The following TMEFF2 variants were observed in gnomAD, a reference collection of about 807,000 sequenced individuals.
TMEFF2 encodes the protein transmembrane protein with EGF like and two follistatin like domains 2.
A neutral mutation model predicts 53.8 loss-of-function variants in TMEFF2; 28 were observed. The observed-to-expected ratio is 0.52, with a 90% CI of 0.39 to 0.71. TMEFF2 has a LOEUF of 0.71. TMEFF2 is among the 30% of genes least tolerant of loss of function. The pLI is 0.00. For synonymous variants in TMEFF2, 162 were observed against 166.3 expected, an observed-to-expected ratio of 0.97 and a Z score of 0.20; for missense variants, 353 against 455.2, an observed-to-expected ratio of 0.78 and a Z score of 2.04.
At chr2:192,024,018 A>G (rs1037085982) in intron 5 of TMEFF2, among the ~76,000 whole-genome samples, 49 of 152,210 alleles carry the variant, frequency 3.2e-4, no homozygotes, top group African/African-American at 1.1e-3. Flanking sequence ...AATGTGTGAC[A>G]AATTCACAGA....
intron 7 of TMEFF2, among the ~76,000 whole-genome samples, chr2:191,961,952 C>T (rs1420499120): frequency 6.6e-6 from 1 of 152,116 alleles, no homozygotes; most frequent in Non-Finnish European, 1.5e-5. Flanking sequence ...TTCTGGGACA[C>T]AGACTCAAAT....
At chr2:192,032,230 A>G (rs889062805) in intron 5 of TMEFF2, 2 of 152,206 alleles carry the variant, frequency 1.3e-5, no homozygotes, top group African/African-American at 2.4e-5. Flanking sequence ...AATGCCCCAG[A>G]GATTCTCTTC....
At chr2:192,042,167 C>CTCCA (rs1379404043) in intron 5 of TMEFF2, among the ~76,000 whole-genome samples, 1 of 151,788 alleles carries the variant, frequency 6.6e-6, no homozygotes, top group African/African-American at 2.4e-5. Context: ...CACCACTGAA[C>CTCCA]TCCAGCCTGG....
intron 4 of TMEFF2, among the ~76,000 whole-genome samples, chr2:192,089,048 A>C (rs1414174041): frequency 2.0e-5 from 3 of 152,122 alleles, no homozygotes; most frequent in Non-Finnish European, 2.9e-5. Context: ...TACTCAGTAG[A>C]CATTTGTCTG....
intron 4 of TMEFF2, among the ~76,000 whole-genome samples, chr2:192,153,952 ACATG>A (rs1284082837): frequency 2.0e-5 from 3 of 151,888 alleles, no homozygotes; most frequent in African/African-American, 7.2e-5. Context: ...TTAAATTCTT[ACATG>A]GTTGGGGGAA....
chr2:192,182,637 T>A (rs575851462), intron 3 of TMEFF2, among the ~76,000 whole-genome samples: 50 of 152,060 alleles, frequency 3.3e-4, no homozygotes, highest in African/African-American at 1.2e-3. Flanking sequence ...TTTTGCTACA[T>A]TGGCCATAAC....
intron 7 of TMEFF2, among the ~76,000 whole-genome samples, chr2:191,997,953 C>CA (rs1686262436): frequency 2.6e-5 from 4 of 151,842 alleles, no homozygotes; most frequent in African/African-American, 9.7e-5. Flanking sequence ...CCAGAAATTG[C>CA]ATTCATTTCC....
chr2:192,108,714 T>G (rs1457132094), intron 4 of TMEFF2, among the ~76,000 whole-genome samples: 3 of 151,950 alleles, frequency 2.0e-5, no homozygotes, highest in African/African-American at 7.2e-5. Context: ...TAAAAATAAC[T>G]GAGAACAATT....
intron 4 of TMEFF2, among the ~76,000 whole-genome samples, chr2:192,102,544 T>C (rs916745470): frequency 4.0e-5 from 6 of 151,894 alleles, no homozygotes; most frequent in African/African-American, 1.5e-4. Flanking sequence ...CTCCTAGATA[T>C]CTCCATGGCT....
At chr2:192,045,437 T>C (rs1687592132) in intron 5 of TMEFF2, among the ~76,000 whole-genome samples, 1 of 152,234 alleles carries the variant, frequency 6.6e-6, no homozygotes, top group Non-Finnish European at 1.5e-5. Context: ...TCTCTCTCAA[T>C]GGGCAAAAAA....
intron 5 of TMEFF2, chr2:192,035,167 CTTTT>C (rs984734715): frequency 5.8e-5 from 8 of 137,502 alleles, no homozygotes; most frequent in African/African-American, 1.6e-4. Flanking sequence ...TGACAACGAT[CTTTT>C]TTTTGTTTGT....
At chr2:192,001,771 A>G (rs370972255) in intron 5 of TMEFF2, among the ~76,000 whole-genome samples, 4 of 152,082 alleles carry the variant, frequency 2.6e-5, no homozygotes, top group African/African-American at 7.2e-5. Flanking sequence ...ACCTTCTGCC[A>G]TGATTGTGAG....
chr2:192,119,275 T>C (rs1689488576), intron 4 of TMEFF2, among the ~76,000 whole-genome samples: 1 of 152,192 alleles, frequency 6.6e-6, no homozygotes. Context: ...TGAAATTCTT[T>C]GGGGAGTATA....
At chr2:192,103,268 T>C (rs1302048300) in intron 4 of TMEFF2, among the ~76,000 whole-genome samples, 3 of 152,196 alleles carry the variant, frequency 2.0e-5, no homozygotes, top group African/African-American at 7.2e-5. Context: ...ATTGCTGTCG[T>C]ATTTCCTTTC....
At chr2:192,059,005 T>A (rs1367086362) in intron 4 of TMEFF2, among the ~76,000 whole-genome samples, 1 of 152,156 alleles carries the variant, frequency 6.6e-6, no homozygotes, top group Non-Finnish European at 1.5e-5. Flanking sequence ...TTCATACTTA[T>A]AAAATCAAAG....
At chr2:191,965,573 C>CT (rs1430087731) in intron 7 of TMEFF2, among the ~76,000 whole-genome samples, 3 of 152,252 alleles carry the variant, frequency 2.0e-5, no homozygotes, top group Admixed American at 1.3e-4. Flanking sequence ...CTCACTGTTC[C>CT]TTTAATGAGC....
At chr2:192,096,850 AT>A (rs1398593738) in intron 4 of TMEFF2, among the ~76,000 whole-genome samples, 1 of 151,082 alleles carries the variant, frequency 6.6e-6, no homozygotes, top group Non-Finnish European at 1.5e-5. Context: ...CAATTTTTGT[AT>A]TTTTAGTAGA....
chr2:192,065,848 T>A (rs2105911329), intron 4 of TMEFF2, among the ~76,000 whole-genome samples: 1 of 151,870 alleles, frequency 6.6e-6, no homozygotes, highest in African/African-American at 2.4e-5. Context: ...AAAGAAAATT[T>A]TAAATAAAAA....
At chr2:192,131,125 C>A (rs1212782790) in intron 4 of TMEFF2, among the ~76,000 whole-genome samples, 1 of 145,198 alleles carries the variant, frequency 6.9e-6, no homozygotes, top group Admixed American at 6.8e-5. Flanking sequence ...AGGGCAAGTA[C>A]CCCAACCCCT....
Sources: gnomAD v4.1 joint callset for allele counts (sites outside exome capture counted in the v4.1 genomes callset) on GRCh38, gnomAD v4.1.1 for gene constraint, MANE v1.5 for transcripts, NCBI Gene and HGNC (gene_info 2026-07-23, HGNC 2026-07-21) for gene names.